The following USP43 variants were observed in gnomAD, a reference collection of about 807,000 sequenced individuals.
The protein encoded by USP43 is ubiquitin specific peptidase 43, also known as ubiquitin carboxyl-terminal hydrolase 43.
In USP43, 33 loss-of-function variants were observed where a neutral mutation model predicts 90.7. The observed-to-expected ratio is 0.36, with a 90% CI of 0.28 to 0.49. The LOEUF is 0.49. USP43 is among the 20% of genes least tolerant of loss of function. USP43 has a pLI of 0.98. For missense variants in USP43, 1,274 were observed against 1,476.4 expected (o/e 0.86, Z 2.25); for synonymous variants, 598 against 615.8 (o/e 0.97, Z 0.43).
chr17:9,695,522 A>G (rs1158328834), intron 9 of USP43, among the ~76,000 whole-genome samples: 1 of 151,948 alleles, frequency 6.6e-6, no homozygotes, highest in African/African-American at 2.4e-5. Context: ...TTTAGTAGAG[A>G]CAGGGTTTCA....
At chr17:9,705,629 C>T (rs190051752) in intron 12 of USP43, among the ~76,000 whole-genome samples, 40 of 151,990 alleles carry the variant, frequency 2.6e-4, no homozygotes, top group Non-Finnish European at 4.4e-4. Flanking sequence ...GTGGCGTGTG[C>T]CTGTAGTTCC....
rs1051420294 is a variant in USP43 at position 9,717,235 on chromosome 17, A to C, written c.2335+5103A>C. Among the ~76,000 whole-genome samples, 6 of 151,148 alleles carry C rather than the reference A, an allele frequency of 4.0e-5. No homozygotes were observed. In the East Asian group the frequency reaches 1.2e-3, roughly 29 times the overall value. On this transcript the variant is annotated intron_variant, in intron 14 of 14. Coordinates refer to ENST00000285199, the MANE Select transcript of USP43 (RefSeq NM_153210.5). Reference sequence around the variant, plus strand: ...ACATTTTGTATTGCGGTTCGGTTTCAGAGTTGTTTCTGGTTTGCAGCCATT... The same window carrying C: ...ACATTTTGTATTGCGGTTCGGTTTCCGAGTTGTTTCTGGTTTGCAGCCATT...
intron 14 of USP43, among the ~76,000 whole-genome samples, chr17:9,724,975 C>T (rs1247747421): frequency 6.6e-6 from 1 of 152,090 alleles, no homozygotes; most frequent in African/African-American, 2.4e-5. Flanking sequence ...GTCCCCAGCC[C>T]TGTTCACAAA....
Position 9,728,733 on chromosome 17 carries a change from C to G in USP43, c.3115C>G (p.Pro1039Ala). The G allele has an allele frequency of 1.2e-6, 2 of 1,601,106 alleles. No individual in the cohort carries two copies. The highest frequency in any genetic ancestry group is 1.7e-4 in the Middle Eastern group (1 of 5,988). Residue 1039 changes from proline to alanine, a missense_variant, in exon 15 of 15, where the codon CCA (proline) becomes GCA (alanine). Around this residue, in one of 6 missense-constraint regions of USP43, gnomAD observed 353 missense variants for 329.7 expected, o/e 1.07. Coordinates refer to ENST00000285199, the MANE Select transcript of USP43 (RefSeq NM_153210.5). This position sits in a 1 kb window ranked among gnomAD's most constrained non-coding sequence, Gnocchi z 6.2. Reference sequence around the variant, plus strand: ...GAGCCCTGCCATGGACGGGCAGGCTCCAGGCTCACCTCCTGCCCTCAGGAT... The same window carrying G: ...GAGCCCTGCCATGGACGGGCAGGCTGCAGGCTCACCTCCTGCCCTCAGGAT... ...GLSPAMDGQA[P>A]GSPPALRIPE...
At chr17:9,653,486 G>C (rs970168292) in intron 1 of USP43, among the ~76,000 whole-genome samples, 7 of 152,186 alleles carry the variant, frequency 4.6e-5, no homozygotes, top group Non-Finnish European at 1.0e-4. Context: ...TACTCAGGGG[G>C]CTGAGGCAGG....
intron 13 of USP43, among the ~76,000 whole-genome samples, chr17:9,710,499 G>GATT (rs1263507664): frequency 9.4e-6 from 1 of 106,574 alleles, no homozygotes; most frequent in Admixed American, 8.8e-5. Context: ...AGGAAAGGTA[G>GATT]CTTTTTTTTT....
chr17:9,652,098 T>C (rs2151961482), intron 1 of USP43, among the ~76,000 whole-genome samples: 1 of 151,308 alleles, frequency 6.6e-6, no homozygotes, highest in East Asian at 1.9e-4. Context: ...AATAACCAAA[T>C]CTAGGGCTGA....
In USP43 at chr17:9,702,337, G is replaced by A. The variant is rs539537057; in HGVS notation, c.2011+637G>A. On this transcript the variant is annotated intron_variant, in intron 12 of 14. Coordinates refer to ENST00000285199, the MANE Select transcript of USP43 (RefSeq NM_153210.5). ...TGTACTCCAGCCTGGGCAACAGAGC[G>A]AGACCGTGTCTCCAAAACAAATAAA... Among the ~76,000 whole-genome samples the A allele has an allele frequency of 3.3e-5, 5 of 152,298 alleles. No individual in the cohort carries two copies. In the South Asian group the frequency reaches 8.3e-4, roughly 25 times the overall value.
chr17:9,714,669 C>A (rs545397227), intron 14 of USP43, among the ~76,000 whole-genome samples: 1 of 130,070 alleles, frequency 7.7e-6, no homozygotes, highest in Admixed American at 8.5e-5. Context: ...GGCAACAGAG[C>A]AAGACTCCAT....
At position 9,654,259 on chromosome 17, in the gene USP43, A is replaced by C. The variant is rs143975163; in HGVS notation, c.505-2144A>C. ...ACATATTTCTACTAAAAACATATTC[A>C]TTGTTTATGTGAAATTCAAATCTAT... On this transcript the variant is annotated intron_variant, in intron 1 of 14. Transcript: ENST00000285199. Among the ~76,000 whole-genome samples the C allele has an allele frequency of 1.9e-4, 29 of 152,312 alleles. No individual in the cohort carries two copies. The East Asian group carries it at 5.2e-3, about 27-fold the overall frequency.
At chr17:9,656,343 G>A (rs1401270922) in intron 1 of USP43, 60 bp from the exon 2 acceptor site, 21 of 1,572,962 alleles carry the variant, frequency 1.3e-5, no homozygotes, top group Admixed American at 1.8e-5. Flanking sequence ...TGCTCACAGA[G>A]CCTTCATTTG....
chr17:9,672,298 C>T (rs985837772), intron 3 of USP43, among the ~76,000 whole-genome samples: 7 of 152,080 alleles, frequency 4.6e-5, no homozygotes, highest in African/African-American at 9.7e-5. Flanking sequence ...GCCTGGCCAT[C>T]GTTTTCATTC....
chr17:9,705,691 T>C (rs763055997), intron 12 of USP43, among the ~76,000 whole-genome samples: 2 of 150,314 alleles, frequency 1.3e-5, no homozygotes, highest in Non-Finnish European at 3.0e-5. Flanking sequence ...GAGGTGGAGA[T>C]TGCAGTGAGC....
chr17:9,698,592 A>G (rs1164053456), intron 9 of USP43, among the ~76,000 whole-genome samples: 4 of 152,188 alleles, frequency 2.6e-5, no homozygotes, highest in Non-Finnish European at 5.9e-5. Context: ...TTCTTTTTGT[A>G]TCAGAGCTGT....
At chr17:9,670,832 CT>C (rs1913370103) in intron 3 of USP43, among the ~76,000 whole-genome samples, 1 of 152,140 alleles carries the variant, frequency 6.6e-6, no homozygotes, top group African/African-American at 2.4e-5. Flanking sequence ...TAAAGATGAA[CT>C]GGCAATGGCT....
At chr17:9,660,637 A>G (rs575350462) in intron 2 of USP43, among the ~76,000 whole-genome samples, 5 of 152,214 alleles carry the variant, frequency 3.3e-5, no homozygotes, top group African/African-American at 4.8e-5. Flanking sequence ...TCAGACTCCT[A>G]TGTGACTGAC....
chr17:9,676,627 C>T, intron 4 of USP43, 119 bp from the exon 5 acceptor site: 1 of 1,296,722 alleles, frequency 7.7e-7, no homozygotes, highest in Non-Finnish European at 1.0e-6. Flanking sequence ...CTGCTTCAGC[C>T]TCCCAAAATG....
At chr17:9,681,905 A>G (rs1208849566) in intron 6 of USP43, among the ~76,000 whole-genome samples, 1 of 152,108 alleles carries the variant, frequency 6.6e-6, no homozygotes, top group Non-Finnish European at 1.5e-5. Flanking sequence ...TGGGAACTGG[A>G]TGTTTGAAGT....
At chr17:9,650,490 C>T (rs567767973) in intron 1 of USP43, among the ~76,000 whole-genome samples, 3 of 152,270 alleles carry the variant, frequency 2.0e-5, no homozygotes, top group South Asian at 4.1e-4. Context: ...GCAACCTCCA[C>T]TTTCTGGGTT....
Sources: allele counts gnomAD v4.1 joint callset (sites outside exome capture counted in the v4.1 genomes callset), GRCh38; gene constraint gnomAD v4.1.1; regional missense constraint gnomAD v4.1.1; non-coding constraint Gnocchi (gnomAD v3.1); transcripts MANE v1.5; gene names NCBI Gene and HGNC (gene_info 2026-07-23, HGNC 2026-07-21).